CASTOR2: variants seen among roughly 807,000 people sequenced by gnomAD.
CASTOR2 encodes the protein cytosolic arginine sensor for mTORC1 subunit 2.
A neutral mutation model predicts 31.2 loss-of-function variants in CASTOR2; 8 were observed. That is an observed-to-expected ratio of 0.26 (90% confidence interval 0.15 to 0.46). The LOEUF (loss-of-function observed/expected upper bound fraction) is 0.46, where lower values mean the gene tolerates loss of function less well. CASTOR2 is among the 20% of genes least tolerant of loss of function. The pLI, the probability that CASTOR2 is intolerant of heterozygous loss-of-function variation, is 0.99. For missense variants in CASTOR2, 216 were observed against 382.1 expected, an observed-to-expected ratio of 0.57 and a Z score of 3.62; for synonymous variants, 162 against 158.7, an observed-to-expected ratio of 1.02 and a Z score of -0.16.
rs1276938002 is a variant in CASTOR2, at chr7:75,026,771, C to T, written c.*2072C>T. On this transcript the variant is annotated 3_prime_UTR_variant, in exon 9 of 9. Transcript: ENST00000616305. ...GTGGGGCAGGGCTGTGGTGGAAGCC[C>T]TGAGTCCCCTTTCTGACCTTGCAAG... Among the ~76,000 whole-genome samples, 2 of 152,074 alleles carry T rather than the reference C, an allele frequency of 1.3e-5. No individual in the cohort carries two copies. Among genetic ancestry groups the T allele is most frequent in the African/African-American group, 4.8e-5 (2 of 41,408 alleles).
Position 75,027,802 on chromosome 7 carries a change from G to A in CASTOR2, c.*3103G>A. 1.7e-6 allele frequency: 1 copy of A among 598,728 alleles called. No individual in the cohort carries two copies. Among genetic ancestry groups the A allele is most frequent in the Non-Finnish European group, 3.0e-6 (1 of 336,428 alleles). 37.1% of individuals were successfully genotyped at this position (598,728 alleles called of 1,614,324 possible). On this transcript the variant is annotated 3_prime_UTR_variant, in exon 9 of 9. Coordinates refer to ENST00000616305, the MANE Select transcript of CASTOR2 (RefSeq NM_001145064.3). ...GGTTTATCTTCTCGGCGTTCTGTGT[G>A]TAGCGTAGTCTTGGTTTGGTCTCCA... is the stretch of plus-strand genomic sequence containing the variant.
chr7:74,978,017 C>T (rs1803863106), intron 1 of CASTOR2, among the ~76,000 whole-genome samples: 1 of 150,278 alleles, frequency 6.7e-6, no homozygotes, highest in South Asian at 2.1e-4. Context: ...TATTCTCAGG[C>T]TTGCCCTCAC....
rs1805264512 is a variant in CASTOR2 at position 75,030,245 on chromosome 7, G to C, written c.*5546G>C. ...TGCATGTACCTGTGAGCGTGGATGT[G>C]TTCCTATGCATTAGAGTGTGTGCGT... On this transcript the variant is annotated 3_prime_UTR_variant, in exon 9 of 9. Coordinates refer to ENST00000616305, the MANE Select transcript of CASTOR2 (RefSeq NM_001145064.3). 6.6e-6 allele frequency among the ~76,000 whole-genome samples: 1 copy of C among 152,260 alleles called. No individual in the cohort carries two copies. The highest frequency in any genetic ancestry group is 2.1e-4 in the South Asian group (1 of 4,838).
At chr7:74,978,163 G>C (rs1274943893) in intron 1 of CASTOR2, among the ~76,000 whole-genome samples, 2 of 148,822 alleles carry the variant, frequency 1.3e-5, no homozygotes, top group Non-Finnish European at 3.0e-5. Context: ...GAGTGCAATG[G>C]TGCGATCTTG....
In CASTOR2 at chr7:75,029,885, C is replaced by T. The variant is rs957155779; in HGVS notation, c.*5186C>T. Among the ~76,000 whole-genome samples the T allele has an allele frequency of 1.4e-4, 22 of 151,826 alleles. No individual in the cohort carries two copies. The highest frequency in any genetic ancestry group is 3.1e-4 in the Non-Finnish European group (21 of 67,958). ...GGGCCCATTCAAAGGAGGCCGGGCTCGGTGGCTTAGGCCTGTCATCCCAGC... is the reference window on the plus strand; with the variant it reads ...GGGCCCATTCAAAGGAGGCCGGGCTTGGTGGCTTAGGCCTGTCATCCCAGC... On this transcript the variant is annotated 3_prime_UTR_variant, in exon 9 of 9. Transcript: ENST00000616305.
At position 75,031,139 on chromosome 7, in the gene CASTOR2, C is replaced by T. The variant is rs1280984639; in HGVS notation, c.*6440C>T. Among the ~76,000 whole-genome samples the T allele has an allele frequency of 1.3e-5, 2 of 152,312 alleles. No individual in the cohort carries two copies. Among genetic ancestry groups the T allele is most frequent in the South Asian group, 2.1e-4 (1 of 4,824 alleles). The stretch of plus-strand genomic sequence containing the variant: ...ATAACAGTCCCAAGCCCTCCTCTTT[C>T]TCTATGCCAAAATCATTTCCGTTAT... On this transcript the variant is annotated 3_prime_UTR_variant, in exon 9 of 9. Transcript: ENST00000616305.
Position 75,028,078 on chromosome 7 carries a change from GC to G in CASTOR2, c.*3381del. The G allele has an allele frequency of 2.6e-6, 4 of 1,532,038 alleles. No individual in the cohort carries two copies. The highest frequency in any genetic ancestry group is 3.5e-6 in the Non-Finnish European group (4 of 1,146,014). 94.9% of individuals were successfully genotyped at this position (1,532,038 alleles called of 1,614,324 possible). On this transcript the variant is annotated 3_prime_UTR_variant, in exon 9 of 9. Coordinates refer to ENST00000616305, the MANE Select transcript of CASTOR2 (RefSeq NM_001145064.3). ...CTTGGCGCTGGCGGATGGGGCAGGT[GC>G]CTGGCGGGGGAGGAAGAGGGCTCTC...
chr7:74,998,721 A>G (rs1455011332), intron 1 of CASTOR2, among the ~76,000 whole-genome samples: 85 of 151,830 alleles, frequency 5.6e-4, no homozygotes, highest in Non-Finnish European at 1.1e-3. Flanking sequence ...GCTGGGGACC[A>G]TGAGAATTGG....
Position 75,027,703 on chromosome 7 carries a change from C to A in CASTOR2, c.*3004C>A. The A allele has an allele frequency of 2.6e-6, 1 of 380,366 alleles. No homozygotes were observed. The highest frequency in any genetic ancestry group is 4.9e-6 in the Non-Finnish European group (1 of 203,370). The allele number at this position is 380,366 out of a possible 1,614,324, so 23.6% of individuals were successfully genotyped here. A position where few individuals can be genotyped will look rare whatever the true frequency, so the allele number is the denominator to read the frequency against. ...TCAAGCCCGCTCCGTGGGAGCTGCC[C>A]CCTGGGGACCCTGCTCCTCGGTCAC... On this transcript the variant is annotated 3_prime_UTR_variant, in exon 9 of 9. Transcript: ENST00000616305.
rs1461363710 is a variant in CASTOR2 at position 74,974,135 on chromosome 7, T to TTCCTGCC, written c.113+9051_113+9057dup. On this transcript the variant is annotated intron_variant, in intron 1 of 8. Coordinates refer to ENST00000616305, the MANE Select transcript of CASTOR2 (RefSeq NM_001145064.3). ...CTCTTTCCTGAACTATCCAGATATCTTCCTGCCTCCTGCCTCCTGCTTCTA... is the reference window on the plus strand; with the variant it reads ...CTCTTTCCTGAACTATCCAGATATCTTCCTGCCTCCTGCCTCCTGCCTCCTGCTTCTA... 3.8e-5 allele frequency among the ~76,000 whole-genome samples: 5 copies of TTCCTGCC among 129,954 alleles called. 1 individual carries two copies. The highest frequency in any genetic ancestry group is 1.2e-4 in the African/African-American group (4 of 32,838). The allele number at this position is 129,954 out of a possible 152,430, so 85.3% of individuals were successfully genotyped here. A position where few individuals can be genotyped will look rare whatever the true frequency, so the allele number is the denominator to read the frequency against.
intron 7 of CASTOR2, 93 bp downstream of exon 7, chr7:75,022,049 G>C: frequency 6.9e-7 from 1 of 1,443,092 alleles, no homozygotes; most frequent in Non-Finnish European, 9.5e-7. Context: ...GCCCCTGCTG[G>C]GGGGTACAGA....
At chr7:75,006,308 A>G (rs1487176540) in intron 1 of CASTOR2, among the ~76,000 whole-genome samples, 59 of 152,304 alleles carry the variant, frequency 3.9e-4, no homozygotes, top group African/African-American at 1.4e-3. Context: ...AAACTGCCAA[A>G]TGAATGTTTG....
At chr7:74,976,531 T>TCTCCTCCTCCTC (rs369879917) in intron 1 of CASTOR2, among the ~76,000 whole-genome samples, 3 of 118,876 alleles carry the variant, frequency 2.5e-5, no homozygotes, top group South Asian at 2.9e-4. Flanking sequence ...TGAGACCCTG[T>TCTCCTCCTCCTC]CTCCTCCTCC....
chr7:75,006,283 C>CT (rs1804604241), intron 1 of CASTOR2, among the ~76,000 whole-genome samples: 1 of 152,154 alleles, frequency 6.6e-6, no homozygotes, highest in Non-Finnish European at 1.5e-5. Context: ...GACCCTGACT[C>CT]TAAAAAGAAG....
chr7:74,994,789 G>C (rs1408177054), intron 1 of CASTOR2, among the ~76,000 whole-genome samples: 2 of 152,046 alleles, frequency 1.3e-5, no homozygotes, highest in African/African-American at 2.4e-5. Flanking sequence ...GTTGAAGCCA[G>C]GGTGCAGGGA....
intron 1 of CASTOR2, among the ~76,000 whole-genome samples, chr7:75,004,582 G>A (rs1804567455): frequency 6.6e-6 from 1 of 152,010 alleles, no homozygotes; most frequent in African/African-American, 2.4e-5. Flanking sequence ...AAGTGGCTGG[G>A]ATTACAGACG....
At chr7:74,997,180 A>G (rs1164218893) in intron 1 of CASTOR2, among the ~76,000 whole-genome samples, 5 of 151,920 alleles carry the variant, frequency 3.3e-5, no homozygotes, top group Non-Finnish European at 7.4e-5. Flanking sequence ...CAGCCTCCTG[A>G]GTAGCTGGGA....
At chr7:75,016,433 G>A (rs2131952936) in intron 2 of CASTOR2, among the ~76,000 whole-genome samples, 1 of 152,308 alleles carries the variant, frequency 6.6e-6, no homozygotes, top group East Asian at 1.9e-4. Flanking sequence ...GCTCTCAGGA[G>A]GGACATGGGT....
Position 74,975,323 on chromosome 7 carries a change from C to G in CASTOR2, c.113+10225C>G, listed in dbSNP as rs587593592. Among the ~76,000 whole-genome samples the G allele has an allele frequency of 4.1e-3, 614 of 150,630 alleles. 14 individuals are homozygous for G. The highest frequency in any genetic ancestry group is 0.014 in the African/African-American group (584 of 41,168). ...AGGGGGTCTCACTCTGTTGTCCACG[C>G]CGGTCTCAAACTCCTGACCTTAAGT... On this transcript the variant is annotated intron_variant, in intron 1 of 8. Coordinates refer to ENST00000616305, the MANE Select transcript of CASTOR2 (RefSeq NM_001145064.3).
Sources: allele counts gnomAD v4.1 joint callset (sites outside exome capture counted in the v4.1 genomes callset), GRCh38; gene constraint gnomAD v4.1.1; transcripts MANE v1.5; gene names NCBI Gene and HGNC (gene_info 2026-07-23, HGNC 2026-07-21).